Variants in MELK observed in about 807,000 individuals in gnomAD.
MELK encodes the protein pEg3 kinase.
In MELK, 81 loss-of-function variants were observed where a neutral mutation model predicts 85.0. The ratio of observed to expected loss-of-function variants is 0.95; its 90% CI spans 0.80 to 1.15. The LOEUF (loss-of-function observed/expected upper bound fraction) is 1.15. Ranked by LOEUF, MELK falls within the 50% of genes most tolerant of loss-of-function variation. The pLI, the probability that MELK is intolerant of heterozygous loss-of-function variation, is 0.00. For synonymous variants in MELK, 252 were observed against 265.0 expected, an observed-to-expected ratio of 0.95 and a Z score of 0.48; for missense variants, 754 against 777.5, an observed-to-expected ratio of 0.97 and a Z score of 0.36.
chr9:36,672,563 G>A (rs531494344), intron 16 of MELK, among the ~76,000 whole-genome samples: 1 of 152,308 alleles, frequency 6.6e-6, no homozygotes, highest in Admixed American at 6.5e-5. Context: ...CAGAATGTAG[G>A]AGAAAAACCA....
At chr9:36,612,942 A>G (rs1276759655) in intron 8 of MELK, among the ~76,000 whole-genome samples, 1 of 152,218 alleles carries the variant, frequency 6.6e-6, no homozygotes, top group Non-Finnish European at 1.5e-5. Flanking sequence ...TTTAACTAAC[A>G]TAGATCATAA....
intron 7 of MELK, among the ~76,000 whole-genome samples, chr9:36,601,977 G>T (rs1165001826): frequency 6.6e-6 from 1 of 152,150 alleles, no homozygotes; most frequent in Non-Finnish European, 1.5e-5. Flanking sequence ...TCCATTGGTA[G>T]ATACTTAAAT....
At chr9:36,616,385 C>CTTTTTTTTTTTTT (rs1564166555) in intron 8 of MELK, among the ~76,000 whole-genome samples, 1 of 120,288 alleles carries the variant, frequency 8.3e-6, no homozygotes, top group African/African-American at 3.5e-5. Context: ...GCATGTCAAA[C>CTTTTTTTTTTTTT]TCTTTTTTTT....
At position 36,657,357 on chromosome 9, in the gene MELK, A is replaced by C; in HGVS notation, c.1170A>C (p.Thr390=). Residue 390 remains threonine (T), a synonymous_variant, in exon 13 of 18, where the codon ACA becomes ACC. Coordinates refer to ENST00000298048, the MANE Select transcript of MELK (RefSeq NM_014791.4). ...DLSTGAATPR[T]SQFTKYWTES... ...CAACAGGTGCTGCTACTCCCCGAAC[A>C]TCACAGGTTCGTCATTCTTATTACT... The C allele has an allele frequency of 6.2e-7, 1 of 1,605,408 alleles. No homozygotes were observed. Among genetic ancestry groups the C allele is most frequent in the Non-Finnish European group, 8.5e-7 (1 of 1,177,618 alleles).
chr9:36,654,393 T>G (rs1277023052), intron 12 of MELK, among the ~76,000 whole-genome samples: 1 of 146,060 alleles, frequency 6.8e-6, no homozygotes, highest in Non-Finnish European at 1.5e-5. Context: ...TCTTGCTTTG[T>G]TGCCCAGGCT....
chr9:36,665,678 G>A (rs1369353784), intron 14 of MELK, 97 bp downstream of exon 14: 1 of 841,918 alleles, frequency 1.2e-6, no homozygotes. Flanking sequence ...TTGCTTTCAG[G>A]AATTTCTAGG....
chr9:36,579,535 A>C (rs957043029), intron 1 of MELK, among the ~76,000 whole-genome samples: 1 of 152,224 alleles, frequency 6.6e-6, no homozygotes, highest in Non-Finnish European at 1.5e-5. Context: ...ACACTCCATG[A>C]GGGCAGAATC....
At chr9:36,617,634 T>C (rs1826979089) in intron 8 of MELK, among the ~76,000 whole-genome samples, 1 of 152,254 alleles carries the variant, frequency 6.6e-6, no homozygotes, top group African/African-American at 2.4e-5. Flanking sequence ...AATTTTTTAT[T>C]GTCATATTTG....
intron 12 of MELK, among the ~76,000 whole-genome samples, chr9:36,656,134 T>C (rs1831216898): frequency 6.6e-6 from 1 of 152,182 alleles, no homozygotes; most frequent in South Asian, 2.1e-4. Context: ...TTGGTGGCGT[T>C]GTTAGCGCAA....
chr9:36,602,245 C>A (rs1178872629), intron 7 of MELK, among the ~76,000 whole-genome samples: 1 of 152,028 alleles, frequency 6.6e-6, no homozygotes, highest in African/African-American at 2.4e-5. Context: ...GTAATCCCAG[C>A]ACTTTGGGAG....
At position 36,585,731 on chromosome 9, in the gene MELK, G is replaced by A. The variant is rs866699291; in HGVS notation, c.144+2019G>A. Among the ~76,000 whole-genome samples, 155 of 152,252 alleles carry A rather than the reference G, an allele frequency of 1.0e-3. No individual in the cohort carries two copies. In the Middle Eastern group the frequency reaches 0.01, roughly 10 times the overall value. ...GCCAGAGGATTGCTTGAGGCCAGGA[G>A]TTCGAGACTAGCCTGGGCAATATGG... On this transcript the variant is annotated intron_variant, in intron 3 of 17. Transcript: ENST00000298048.
chr9:36,615,146 C>T (rs867700190), intron 8 of MELK, among the ~76,000 whole-genome samples: 9,269 of 130,338 alleles, frequency 0.071, 235 homozygotes, highest in Middle Eastern at 0.096. Flanking sequence ...TAGGGGCGGC[C>T]GGGCAGAGGC....
chr9:36,623,175 A>G (rs1827602244), intron 8 of MELK, among the ~76,000 whole-genome samples: 1 of 152,198 alleles, frequency 6.6e-6, no homozygotes, highest in African/African-American at 2.4e-5. Flanking sequence ...ACAATTCAGA[A>G]TGTTTCCATA....
chr9:36,641,130 A>G (rs1300927355), intron 10 of MELK, among the ~76,000 whole-genome samples: 3 of 152,230 alleles, frequency 2.0e-5, no homozygotes, highest in African/African-American at 4.8e-5. Flanking sequence ...GGTTGGCGGA[A>G]CTAGAAAACG....
intron 8 of MELK, 58 bp downstream of exon 8, chr9:36,607,731 T>C (rs1260108330): frequency 8.8e-7 from 1 of 1,136,270 alleles, no homozygotes; most frequent in African/African-American, 1.6e-5. Context: ...GAATAGTATA[T>C]GCTTTCATTC....
intron 8 of MELK, among the ~76,000 whole-genome samples, chr9:36,608,481 C>A (rs112525590): frequency 0.014 from 2,143 of 151,602 alleles, 47 homozygotes; most frequent in African/African-American, 0.05. Context: ...CCGTGGTTTC[C>A]GGCATCCATG....
intron 7 of MELK, among the ~76,000 whole-genome samples, chr9:36,606,065 T>C (rs1418367547): frequency 6.6e-6 from 1 of 151,726 alleles, no homozygotes; most frequent in Non-Finnish European, 1.5e-5. Context: ...CTTGAACAAA[T>C]AGTTACTGCT....
At chr9:36,665,991 C>T (rs1832304452) in intron 14 of MELK, among the ~76,000 whole-genome samples, 1 of 152,164 alleles carries the variant, frequency 6.6e-6, no homozygotes. Context: ...GCTGACGCCT[C>T]CGCTGAGCCT....
At chr9:36,666,068 T>C (rs1832312833) in intron 14 of MELK, among the ~76,000 whole-genome samples, 1 of 152,216 alleles carries the variant, frequency 6.6e-6, no homozygotes, top group Non-Finnish European at 1.5e-5. Flanking sequence ...CTGCCTGTCC[T>C]CAGCAGGCAG....
Sources: gnomAD v4.1 joint callset for allele counts (sites outside exome capture counted in the v4.1 genomes callset) on GRCh38, gnomAD v4.1.1 for gene constraint, MANE v1.5 for transcripts, NCBI Gene and HGNC (gene_info 2026-07-23, HGNC 2026-07-21) for gene names.